The following PIWIL1 variants were observed in gnomAD, a reference collection of about 807,000 sequenced individuals.
PIWIL1 encodes piwi-like protein 1.
PIWIL1 carries 73 observed loss-of-function variants against 114.4 expected under a neutral mutation model. The ratio of observed to expected loss-of-function variants is 0.64; its 90% confidence interval spans 0.53 to 0.78. The LOEUF (loss-of-function observed/expected upper bound fraction) is 0.78, where lower values mean the gene tolerates loss of function less well. PIWIL1 is among the 30% of genes least tolerant of loss of function. The probability of loss-of-function intolerance (pLI) is 0.00; values close to 1 mark genes in which losing one functional copy is unlikely to be tolerated. For missense variants in PIWIL1, 723 were observed against 1,063.1 expected, an observed-to-expected ratio of 0.68 and a Z score of 4.45; for synonymous variants, 375 against 369.0, an observed-to-expected ratio of 1.02 and a Z score of -0.19.
chr12:130,356,446 T>G (rs868473517), intron 12 of PIWIL1, among the ~76,000 whole-genome samples: 13 of 152,176 alleles, frequency 8.5e-5, no homozygotes, highest in African/African-American at 3.1e-4. Context: ...ACCGGGCTGC[T>G]CCCTGTGATG....
At chr12:130,364,015 T>C (rs974862367) in intron 18 of PIWIL1, among the ~76,000 whole-genome samples, 2 of 152,176 alleles carry the variant, frequency 1.3e-5, no homozygotes, top group African/African-American at 4.8e-5. Context: ...TGTCTTCCTC[T>C]GCTCTCCTAC....
At chr12:130,339,833 G>A (rs1454169127) in intron 1 of PIWIL1, 1 of 152,178 alleles carries the variant, frequency 6.6e-6, no homozygotes, top group Non-Finnish European at 1.5e-5. Flanking sequence ...CGTAATTTCT[G>A]TTCCCAGCCA....
the PIWIL1 span, among the ~76,000 whole-genome samples, chr12:130,412,957 G>A: frequency 6.6e-6 from 1 of 152,194 alleles, no homozygotes; most frequent in Non-Finnish European, 1.5e-5. Context: ...ATGTGTACAT[G>A]TAACCCTCGC....
chr12:130,411,497 G>A, the PIWIL1 span, among the ~76,000 whole-genome samples: 1 of 152,134 alleles, frequency 6.6e-6, no homozygotes, highest in Non-Finnish European at 1.5e-5. Flanking sequence ...GCGGCAGGGG[G>A]CACATAGATA....
chr12:130,363,009 A>G lies in PIWIL1; in HGVS notation c.2060A>G (p.Asn687Ser), dbSNP rs749495797. ...VCLQAALRAW[N>S]SCNEYMPSRI... is the part of the protein sequence containing the mutation. ...GTTTCAGCGGCTCTGAGGGCTTGGAATAGCTGCAATGAGTACATGCCCAGC... is the reference window on the plus strand; with the variant it reads ...GTTTCAGCGGCTCTGAGGGCTTGGAGTAGCTGCAATGAGTACATGCCCAGC... The change falls in exon 18 of 21, where the codon AAT (asparagine) becomes AGT (serine). Residue 687 changes from asparagine (N) to serine (S), a missense_variant. Around this residue, in one of 8 missense-constraint regions of PIWIL1, gnomAD observed 31 missense variants for 30.2 expected, o/e 1.03. Transcript: ENST00000245255. 5.6e-6 allele frequency: 9 copies of G among 1,614,130 alleles called. No individual in the cohort carries two copies. The South Asian group carries it at 9.9e-5, about 18-fold the overall frequency.
At chr12:130,382,696 T>C in the PIWIL1 span, among the ~76,000 whole-genome samples, 177 of 152,340 alleles carry the variant, frequency 1.2e-3, 2 homozygotes, top group East Asian at 0.03. Flanking sequence ...GTGCTGAGGC[T>C]AATGAGCTTC....
intron 1 of PIWIL1, 46 bp from the exon 2 acceptor site, chr12:130,342,534 C>A: frequency 9.2e-7 from 1 of 1,085,810 alleles, no homozygotes. Context: ...TTATCAAATG[C>A]GATTGCCTCC....
chr12:130,424,580 C>A, the PIWIL1 span: 5 of 1,231,874 alleles, frequency 4.1e-6, no homozygotes, highest in African/African-American at 1.6e-5. This position sits in a 1 kb window ranked among gnomAD's most constrained non-coding sequence, Gnocchi z 9.8. Flanking sequence ...GGAAGTCCTC[C>A]ACGTGGGGGA....
chr12:130,424,971 G>GA, the PIWIL1 span: 1 of 556,764 alleles, frequency 1.8e-6, no homozygotes, highest in Non-Finnish European at 2.7e-6. This position sits in a 1 kb window ranked among gnomAD's most constrained non-coding sequence, Gnocchi z 9.8. Flanking sequence ...AGGCACCGAG[G>GA]GGGGGGAAGC....
chr12:130,342,217 G>A (rs1229288244), intron 1 of PIWIL1: 2 of 263,970 alleles, frequency 7.6e-6, no homozygotes, highest in Non-Finnish European at 1.5e-5. Flanking sequence ...TGTGTTAAGT[G>A]TGTGTACATG....
At chr12:130,379,109 T>G in the PIWIL1 span, among the ~76,000 whole-genome samples, 1 of 152,260 alleles carries the variant, frequency 6.6e-6, no homozygotes, top group African/African-American at 2.4e-5. Context: ...AAATAATATT[T>G]GGAATAGTAT....
At chr12:130,414,881 C>T in the PIWIL1 span, among the ~76,000 whole-genome samples, 1 of 152,214 alleles carries the variant, frequency 6.6e-6, no homozygotes, top group African/African-American at 2.4e-5. Context: ...TTCCTAGACA[C>T]ACACAACCTC....
chr12:130,417,937 G>A, the PIWIL1 span, among the ~76,000 whole-genome samples: 3 of 152,118 alleles, frequency 2.0e-5, no homozygotes, highest in East Asian at 1.9e-4. Flanking sequence ...CATCAGGGAA[G>A]CAAGTGAGAA....
chr12:130,406,383 G>A, the PIWIL1 span: 54 of 605,990 alleles, frequency 8.9e-5, no homozygotes, highest in African/African-American at 1.0e-3. Context: ...AAAGGTAGAA[G>A]CTAATGAATG....
At chr12:130,382,270 G>C in the PIWIL1 span, among the ~76,000 whole-genome samples, 2 of 152,206 alleles carry the variant, frequency 1.3e-5, no homozygotes, top group Non-Finnish European at 2.9e-5. Flanking sequence ...TGTGGACCTT[G>C]GGTCCCAACC....
rs1174995244 is a variant in PIWIL1, at chr12:130,357,573, A to G, written c.1665+20A>G. 2 of 1,553,160 alleles carry G rather than the reference A, an allele frequency of 1.3e-6. No individual in the cohort carries two copies. Among genetic ancestry groups the G allele is most frequent in the South Asian group, 1.1e-5 (1 of 89,314 alleles). On this transcript the variant is annotated intron_variant, in intron 14 of 20. Transcript: ENST00000245255. ...CAGATAGTAAGTAACTAATTGACAT[A>G]TAGGCAGTTTTCGGTGAAAGAGCTT...
chr12:130,417,621 C>T, the PIWIL1 span, among the ~76,000 whole-genome samples: 23 of 152,272 alleles, frequency 1.5e-4, no homozygotes, highest in Admixed American at 2.6e-4. Flanking sequence ...CCTGACGGGG[C>T]GCTATGCTCA....
chr12:130,424,431 T>C, the PIWIL1 span: 1 of 1,232,682 alleles, frequency 8.1e-7, no homozygotes. This position sits in a 1 kb window ranked among gnomAD's most constrained non-coding sequence, Gnocchi z 9.8. Context: ...GCAGGGACAG[T>C]GACCAGGGCC....
chr12:130,420,469 A>G, the PIWIL1 span, among the ~76,000 whole-genome samples: 14 of 152,338 alleles, frequency 9.2e-5, no homozygotes, highest in East Asian at 1.4e-3. The surrounding 1 kb of genome is among the most constrained non-coding windows in gnomAD (Gnocchi z 4.3). Flanking sequence ...TAAGACACGC[A>G]TGCAGCCTTT....
Sources: allele counts gnomAD v4.1 joint callset (sites outside exome capture counted in the v4.1 genomes callset), GRCh38; gene constraint gnomAD v4.1.1; regional missense constraint gnomAD v4.1.1; non-coding constraint Gnocchi (gnomAD v3.1); transcripts MANE v1.5; gene names NCBI Gene and HGNC (gene_info 2026-07-23, HGNC 2026-07-21).